Variants in PPM1H observed in about 807,000 individuals in gnomAD.
PPM1H encodes protein phosphatase, Mg2+/Mn2+ dependent 1H, also known as protein phosphatase 1H.
Under a neutral mutation model 54.9 loss-of-function variants are expected in PPM1H, and 27 were observed. The ratio of observed to expected loss-of-function variants is 0.49; its 90% confidence interval spans 0.36 to 0.68. The LOEUF (loss-of-function observed/expected upper bound fraction) is 0.68. Among genes scored for constraint, PPM1H ranks in the 30% least tolerant of loss-of-function variants. The pLI, the probability that PPM1H is intolerant of heterozygous loss-of-function variation, is 0.00. For missense variants in PPM1H, 596 were observed against 667.8 expected, an observed-to-expected ratio of 0.89 and a Z score of 1.19; for synonymous variants, 305 against 270.8, an observed-to-expected ratio of 1.13 and a Z score of -1.24.
intron 4 of PPM1H, among the ~76,000 whole-genome samples, chr12:62,741,585 C>A (rs2076381030): frequency 6.6e-6 from 1 of 152,196 alleles, no homozygotes; most frequent in Admixed American, 6.5e-5. Context: ...TGAGTCAGCT[C>A]AGAACGCCTT....
At chr12:62,759,120 C>T (rs1248412573) in intron 4 of PPM1H, among the ~76,000 whole-genome samples, 1 of 152,172 alleles carries the variant, frequency 6.6e-6, no homozygotes, top group African/African-American at 2.4e-5. Context: ...TGGACTCAGC[C>T]CGCCTGCACC....
At chr12:62,893,187 C>T (rs1340526782) in intron 1 of PPM1H, among the ~76,000 whole-genome samples, 1 of 152,028 alleles carries the variant, frequency 6.6e-6, no homozygotes, top group Admixed American at 6.6e-5. Flanking sequence ...AGCTATGAGG[C>T]CTAAAGTATT....
intron 2 of PPM1H, among the ~76,000 whole-genome samples, chr12:62,803,249 T>C (rs951285501): frequency 6.6e-6 from 1 of 152,152 alleles, no homozygotes; most frequent in African/African-American, 2.4e-5. Context: ...CTACGTTGGG[T>C]TTAGTGGCTG....
At chr12:62,719,252 A>T (rs2076251277) in intron 6 of PPM1H, among the ~76,000 whole-genome samples, 1 of 152,200 alleles carries the variant, frequency 6.6e-6, no homozygotes, top group Non-Finnish European at 1.5e-5. Context: ...TTGGGCTGTG[A>T]CCATCTGCTA....
At chr12:62,773,043 G>A (rs930090064) in intron 4 of PPM1H, among the ~76,000 whole-genome samples, 10 of 152,226 alleles carry the variant, frequency 6.6e-5, no homozygotes, top group African/African-American at 2.4e-4. Flanking sequence ...AGCTACTCGG[G>A]AGGCTGAGGC....
intron 1 of PPM1H, among the ~76,000 whole-genome samples, chr12:62,841,377 A>G (rs1276537046): frequency 6.6e-6 from 1 of 152,206 alleles, no homozygotes; most frequent in Non-Finnish European, 1.5e-5. Context: ...TCATGTCAAC[A>G]TTATGTAAAA....
intron 8 of PPM1H, among the ~76,000 whole-genome samples, chr12:62,671,518 G>C (rs1363837686): frequency 6.6e-6 from 1 of 152,190 alleles, no homozygotes; most frequent in Non-Finnish European, 1.5e-5. Flanking sequence ...GGGACACAGT[G>C]ACTAAAACTG....
intron 7 of PPM1H, among the ~76,000 whole-genome samples, chr12:62,691,535 G>C (rs1471193432): frequency 6.6e-6 from 1 of 152,034 alleles, no homozygotes; most frequent in Non-Finnish European, 1.5e-5. Flanking sequence ...ATAAAGACAC[G>C]AGACACAGCC....
intron 7 of PPM1H, 120 bp from the exon 8 acceptor site, chr12:62,689,926 T>C: frequency 1.6e-6 from 1 of 616,324 alleles, no homozygotes; most frequent in Non-Finnish European, 2.9e-6. Context: ...CCCAGATATG[T>C]TTCCAGGCCC....
In PPM1H at chr12:62,744,731, C is replaced by T. The variant is rs549145694; in HGVS notation, c.870-7145G>A. On this transcript the variant is annotated intron_variant, in intron 4 of 9. Coordinates refer to ENST00000228705, the MANE Select transcript of PPM1H (RefSeq NM_020700.2). Reference sequence around the variant, plus strand: ...CACGGGGGAAGCTGCCCTCTCCACACCGGATGTGGTGCACAGTCCCTGCAC... The same window carrying T: ...CACGGGGGAAGCTGCCCTCTCCACATCGGATGTGGTGCACAGTCCCTGCAC... Among the ~76,000 whole-genome samples the T allele has an allele frequency of 1.2e-3, 180 of 152,344 alleles. 1 individual carries two copies. The highest frequency in any genetic ancestry group is 4.2e-3 in the African/African-American group (174 of 41,582).
chr12:62,796,744 G>A (rs2076736615), intron 3 of PPM1H, among the ~76,000 whole-genome samples: 1 of 152,182 alleles, frequency 6.6e-6, no homozygotes, highest in Non-Finnish European at 1.5e-5. Flanking sequence ...CTCTCATGAG[G>A]TTGAGGATGC....
At chr12:62,728,569 AGAG>A (rs2076302525) in intron 5 of PPM1H, among the ~76,000 whole-genome samples, 2 of 152,222 alleles carry the variant, frequency 1.3e-5, no homozygotes, top group Non-Finnish European at 2.9e-5. Flanking sequence ...AGCCTGAAGA[AGAG>A]GCACCTTCCA....
At chr12:62,930,439 C>A (rs542683734) in intron 1 of PPM1H, among the ~76,000 whole-genome samples, 80 of 152,262 alleles carry the variant, frequency 5.3e-4, no homozygotes, top group African/African-American at 1.9e-3. Context: ...CTGATAAAAA[C>A]CTGAATATGA....
chr12:62,741,979 C>T lies in PPM1H; in HGVS notation c.870-4393G>A, dbSNP rs570991668. Among the ~76,000 whole-genome samples the T allele has an allele frequency of 2.0e-4, 31 of 151,942 alleles. 1 individual carries two copies. Among genetic ancestry groups the T allele is most frequent in the Admixed American group, 8.5e-4 (13 of 15,276 alleles). The stretch of plus-strand genomic sequence containing the variant: ...CCTTTTTGTTGGTTTTGCAAAAAGA[C>T]GGCAGGCCTAAGAGGACAGTGTTCT... On this transcript the variant is annotated intron_variant, in intron 4 of 9. Coordinates refer to ENST00000228705, the MANE Select transcript of PPM1H (RefSeq NM_020700.2).
chr12:62,746,381 A>G (rs941607573), intron 4 of PPM1H, among the ~76,000 whole-genome samples: 16 of 152,076 alleles, frequency 1.1e-4, no homozygotes, highest in African/African-American at 3.6e-4. Flanking sequence ...GAAATTTTCA[A>G]TGTGTTCCAT....
intron 4 of PPM1H, among the ~76,000 whole-genome samples, chr12:62,737,998 C>T (rs2076359876): frequency 6.6e-6 from 1 of 152,204 alleles, no homozygotes; most frequent in African/African-American, 2.4e-5. Context: ...TCCAATATGG[C>T]AGGCACTAAC....
At chr12:62,711,400 C>A (rs1275371683) in intron 6 of PPM1H, among the ~76,000 whole-genome samples, 1 of 152,216 alleles carries the variant, frequency 6.6e-6, no homozygotes, top group Non-Finnish European at 1.5e-5. Flanking sequence ...CTCCAGCATC[C>A]TTGCTCTTAA....
rs75997545 is a variant in PPM1H at position 62,888,177 on chromosome 12, A to G, written c.245+46315T>C. 6.7e-3 allele frequency among the ~76,000 whole-genome samples: 1,017 copies of G among 152,272 alleles called. 8 individuals are homozygous for G. The highest frequency in any genetic ancestry group is 0.02 in the Middle Eastern group (6 of 294). On this transcript the variant is annotated intron_variant, in intron 1 of 9. Transcript: ENST00000228705. ...CGCTGATGAGGGGGATGATGATGAGACAAAGAACAGAGCCTGAGTATCCAC... is the reference window on the plus strand; with the variant it reads ...CGCTGATGAGGGGGATGATGATGAGGCAAAGAACAGAGCCTGAGTATCCAC...
intron 1 of PPM1H, among the ~76,000 whole-genome samples, chr12:62,843,853 A>G (rs982507419): frequency 6.6e-6 from 1 of 152,242 alleles, no homozygotes; most frequent in African/African-American, 2.4e-5. Context: ...CAATACATCA[A>G]GTAGCCCTTT....
Sources: gnomAD v4.1 joint callset for allele counts (sites outside exome capture counted in the v4.1 genomes callset) on GRCh38, gnomAD v4.1.1 for gene constraint, MANE v1.5 for transcripts, NCBI Gene and HGNC (gene_info 2026-07-23, HGNC 2026-07-21) for gene names.